The following EEF1AKMT1 variants were observed in gnomAD, a reference collection of about 807,000 sequenced individuals.
The protein encoded by EEF1AKMT1 is EEF1A lysine methyltransferase 1.
Under a neutral mutation model 21.0 loss-of-function variants are expected in EEF1AKMT1, and 18 were observed. The ratio of observed to expected loss-of-function variants is 0.86; its 90% CI spans 0.59 to 1.27. The LOEUF (loss-of-function observed/expected upper bound fraction) is 1.27, where lower values mean the gene tolerates loss of function less well. Among genes scored for constraint, EEF1AKMT1 ranks in the 50% most tolerant of loss-of-function variants. The pLI, the probability that EEF1AKMT1 is intolerant of heterozygous loss-of-function variation, is 0.00. For missense variants in EEF1AKMT1, 246 were observed against 258.6 expected (o/e 0.95, Z 0.33); for synonymous variants, 109 against 94.8 (o/e 1.15, Z -0.87).
intron 2 of EEF1AKMT1, among the ~76,000 whole-genome samples, chr13:20,754,741 CAAA>C (rs56777421): frequency 0.12 from 14,054 of 116,764 alleles, 837 homozygotes; most frequent in Non-Finnish European, 0.16. Context: ...ACCAAAAATA[CAAA>C]AAAAAAAAAA....
intron 2 of EEF1AKMT1, among the ~76,000 whole-genome samples, chr13:20,738,935 T>G (rs2058847223): frequency 6.6e-6 from 1 of 152,236 alleles, no homozygotes; most frequent in African/African-American, 2.4e-5. Context: ...TGGTGGGTTC[T>G]TGGTCTCACT....
At chr13:20,759,523 T>G (rs1161861589) in intron 1 of EEF1AKMT1, among the ~76,000 whole-genome samples, 1 of 151,208 alleles carries the variant, frequency 6.6e-6, no homozygotes, top group Non-Finnish European at 1.5e-5. Context: ...GAGCTTGCAG[T>G]AAGCCGAGAT....
At chr13:20,764,504 T>C (rs972791106) in intron 1 of EEF1AKMT1, among the ~76,000 whole-genome samples, 14 of 152,304 alleles carry the variant, frequency 9.2e-5, no homozygotes, top group African/African-American at 3.4e-4. Context: ...GTTATATAAA[T>C]GTGAATAGAT....
intron 1 of EEF1AKMT1, among the ~76,000 whole-genome samples, chr13:20,765,329 C>A (rs1295178026): frequency 1.3e-5 from 2 of 150,178 alleles, no homozygotes; most frequent in South Asian, 2.1e-4. Context: ...GCATCTGGAC[C>A]TTTTACACTT....
chr13:20,749,594 C>T (rs541988335), intron 2 of EEF1AKMT1, among the ~76,000 whole-genome samples: 3 of 152,056 alleles, frequency 2.0e-5, no homozygotes, highest in Non-Finnish European at 2.9e-5. Flanking sequence ...TTCTAGGCTA[C>T]AGTTGGGTGT....
intron 1 of EEF1AKMT1, among the ~76,000 whole-genome samples, chr13:20,767,188 C>T (rs533568828): frequency 6.6e-6 from 1 of 151,658 alleles, no homozygotes; most frequent in African/African-American, 2.4e-5. Flanking sequence ...CACCTGTAGT[C>T]CCAGCTACTC....
At chr13:20,751,741 G>T (rs1363745240) in intron 2 of EEF1AKMT1, among the ~76,000 whole-genome samples, 4 of 151,962 alleles carry the variant, frequency 2.6e-5, no homozygotes, top group Non-Finnish European at 5.9e-5. Flanking sequence ...ATTGCTTTGG[G>T]TATAATCATT....
intron 2 of EEF1AKMT1, among the ~76,000 whole-genome samples, chr13:20,743,803 A>G (rs2058886887): frequency 6.6e-6 from 1 of 151,720 alleles, no homozygotes; most frequent in South Asian, 2.1e-4. Context: ...TAAGCCCCAC[A>G]TGCATGAGGT....
chr13:20,766,421 GTATAAA>G (rs1231340201), intron 1 of EEF1AKMT1, among the ~76,000 whole-genome samples: 5 of 151,924 alleles, frequency 3.3e-5, no homozygotes, highest in Admixed American at 6.6e-5. Context: ...TATTCCTACA[GTATAAA>G]TATATTCACT....
Position 20,734,311 on chromosome 13 carries a change from G to C in EEF1AKMT1, c.228-2190C>G, listed in dbSNP as rs180896464. Among the ~76,000 whole-genome samples the C allele has an allele frequency of 2.6e-4, 40 of 152,330 alleles. No individual in the cohort carries two copies. The East Asian group carries it at 7.7e-3, about 29-fold the overall frequency. Reference sequence around the variant, plus strand: ...GGGATGGGAGCAGAAAGACCGGTGGGTCTGGTGGGGATGGTGGTGGTTACC... The same window carrying C: ...GGGATGGGAGCAGAAAGACCGGTGGCTCTGGTGGGGATGGTGGTGGTTACC... On this transcript the variant is annotated intron_variant, in intron 3 of 4. Transcript: ENST00000382758.
intron 1 of EEF1AKMT1, among the ~76,000 whole-genome samples, chr13:20,762,772 C>T (rs71426036): frequency 0.02 from 3,117 of 152,184 alleles, 53 homozygotes; most frequent in African/African-American, 0.04. Flanking sequence ...CCTCAGCCTC[C>T]GAAAGTGCTG....
At chr13:20,762,240 T>C (rs1050791976) in intron 1 of EEF1AKMT1, among the ~76,000 whole-genome samples, 1 of 149,914 alleles carries the variant, frequency 6.7e-6, no homozygotes, top group Non-Finnish European at 1.5e-5. Flanking sequence ...TGGAGTGCAG[T>C]GGTGCATTCT....
chr13:20,745,037 G>T (rs1367274555), intron 2 of EEF1AKMT1, among the ~76,000 whole-genome samples: 3 of 152,122 alleles, frequency 2.0e-5, no homozygotes, highest in African/African-American at 7.2e-5. Context: ...CTGTTCCATT[G>T]GTCTATATAT....
chr13:20,733,253 G>A (rs1356288652), intron 3 of EEF1AKMT1, among the ~76,000 whole-genome samples: 2 of 151,906 alleles, frequency 1.3e-5, no homozygotes, highest in Non-Finnish European at 2.9e-5. Flanking sequence ...CCGCCACCAC[G>A]CCTGGCTAAT....
At chr13:20,730,282 A>G (rs920725996) in intron 4 of EEF1AKMT1, among the ~76,000 whole-genome samples, 1 of 152,224 alleles carries the variant, frequency 6.6e-6, no homozygotes, top group Non-Finnish European at 1.5e-5. Flanking sequence ...CAACCACGGC[A>G]TCTGTGCGAA....
chr13:20,763,238 A>T (rs1237344719), intron 1 of EEF1AKMT1, among the ~76,000 whole-genome samples: 1 of 151,958 alleles, frequency 6.6e-6, no homozygotes, highest in Admixed American at 6.6e-5. Flanking sequence ...ACATTTGGTA[A>T]TTTTTTTCAG....
chr13:20,752,934 T>C (rs2058950726), intron 2 of EEF1AKMT1, among the ~76,000 whole-genome samples: 1 of 152,098 alleles, frequency 6.6e-6, no homozygotes, highest in Non-Finnish European at 1.5e-5. Flanking sequence ...TTCTGCATTT[T>C]GTTTGGTTCT....
chr13:20,752,593 G>A (rs1278783378), intron 2 of EEF1AKMT1, among the ~76,000 whole-genome samples: 1 of 151,900 alleles, frequency 6.6e-6, no homozygotes, highest in Non-Finnish European at 1.5e-5. Flanking sequence ...CTGGGATACT[G>A]GCCTGTAATT....
intron 2 of EEF1AKMT1, among the ~76,000 whole-genome samples, chr13:20,750,298 C>T (rs2058933500): frequency 6.6e-6 from 1 of 152,030 alleles, no homozygotes; most frequent in Admixed American, 6.6e-5. Flanking sequence ...GATCTTATTC[C>T]TTCTATTTAG....
Sources: gnomAD v4.1 joint callset for allele counts (sites outside exome capture counted in the v4.1 genomes callset) on GRCh38, gnomAD v4.1.1 for gene constraint, MANE v1.5 for transcripts, NCBI Gene and HGNC (gene_info 2026-07-23, HGNC 2026-07-21) for gene names.